The following ANKFY1 variants were observed in gnomAD, a reference collection of about 807,000 sequenced individuals.
The protein encoded by ANKFY1 is ankyrin repeat and FYVE domain-containing protein 1.
A neutral mutation model predicts 128.3 loss-of-function variants in ANKFY1; 47 were observed. The ratio of observed to expected loss-of-function variants is 0.37; its 90% CI spans 0.29 to 0.47. The LOEUF (loss-of-function observed/expected upper bound fraction) is 0.47. ANKFY1 is among the 20% of genes least tolerant of loss of function. The pLI is 1.00. For synonymous variants in ANKFY1, 553 were observed against 601.6 expected (o/e 0.92, Z 1.18); for missense variants, 1,222 against 1,510.6 (o/e 0.81, Z 3.17).
At chr17:4,254,396 A>G (rs1242550928) in intron 1 of ANKFY1, among the ~76,000 whole-genome samples, 1 of 151,856 alleles carries the variant, frequency 6.6e-6, no homozygotes, top group African/African-American at 2.4e-5. Flanking sequence ...ACAGAGAGAA[A>G]TTTGAAGATG....
At chr17:4,190,192 G>A (rs2059692447) in intron 10 of ANKFY1, among the ~76,000 whole-genome samples, 2 of 152,176 alleles carry the variant, frequency 1.3e-5, no homozygotes, top group Admixed American at 1.3e-4. Flanking sequence ...AGTCATCCCA[G>A]CACTTTTGGA....
At chr17:4,203,618 C>A (rs1269371044) in intron 7 of ANKFY1, among the ~76,000 whole-genome samples, 1 of 151,856 alleles carries the variant, frequency 6.6e-6, no homozygotes, top group South Asian at 2.1e-4. Flanking sequence ...GAGTTCAAGA[C>A]CAGCCTGACC....
rs1032562042 is a variant in ANKFY1, at chr17:4,167,770, G to C, written c.*9C>G. On this transcript the variant is annotated 3_prime_UTR_variant, in exon 25 of 25. Coordinates refer to ENST00000341657, the MANE Select transcript of ANKFY1 (RefSeq NM_001330063.2). The surrounding 1 kb of genome is among the most constrained non-coding windows in gnomAD (Gnocchi z 4.1). Reference sequence around the variant, plus strand: ...CCAAGGACGTGGCCTGGACCCTCCGGGGGGCTCACTAAGAAACCCCACCCA... The same window carrying C: ...CCAAGGACGTGGCCTGGACCCTCCGCGGGGCTCACTAAGAAACCCCACCCA... 5 of 1,611,728 alleles carry C rather than the reference G, an allele frequency of 3.1e-6. No individual in the cohort carries two copies. In the Admixed American group the frequency reaches 8.4e-5, roughly 27 times the overall value.
intron 13 of ANKFY1, 105 bp from the exon 14 acceptor site, chr17:4,183,656 C>T: frequency 6.8e-7 from 1 of 1,480,016 alleles, no homozygotes; most frequent in Non-Finnish European, 9.2e-7. Flanking sequence ...AGCAGTTTTC[C>T]ACTGGATCTA....
chr17:4,218,661 T>TC (rs2060259258), intron 3 of ANKFY1, among the ~76,000 whole-genome samples: 1 of 152,074 alleles, frequency 6.6e-6, no homozygotes, highest in Admixed American at 6.6e-5. Context: ...CACTGCCTGT[T>TC]CCCCAAAAAC....
At chr17:4,262,464 GTT>G (rs1392879058) in intron 1 of ANKFY1, among the ~76,000 whole-genome samples, 3 of 152,158 alleles carry the variant, frequency 2.0e-5, no homozygotes, top group Non-Finnish European at 2.9e-5. Flanking sequence ...GTTTCGCCAT[GTT>G]GCCCAGGCTG....
intron 10 of ANKFY1, among the ~76,000 whole-genome samples, chr17:4,192,761 A>G (rs2059741661): frequency 6.6e-6 from 1 of 152,250 alleles, no homozygotes; most frequent in African/African-American, 2.4e-5. Context: ...AAGCGAGTGG[A>G]CGAATTGGCT....
chr17:4,202,696 C>CAAAAAAA (rs60561665), intron 7 of ANKFY1, among the ~76,000 whole-genome samples: 29 of 74,732 alleles, frequency 3.9e-4, no homozygotes, highest in East Asian at 1.0e-3. Flanking sequence ...AACTCCGTCT[C>CAAAAAAA]AAAAAAAAAA....
At chr17:4,190,028 G>C (rs555830420) in intron 10 of ANKFY1, among the ~76,000 whole-genome samples, 1 of 152,216 alleles carries the variant, frequency 6.6e-6, no homozygotes, top group Non-Finnish European at 1.5e-5. Flanking sequence ...GTTAGAGCAA[G>C]ATTTCTCAAC....
intron 19 of ANKFY1, among the ~76,000 whole-genome samples, chr17:4,176,331 T>C (rs2059411134): frequency 6.6e-6 from 1 of 152,244 alleles, no homozygotes; most frequent in South Asian, 2.1e-4. Context: ...CTGCGGCATG[T>C]GTCTGGGGCT....
At chr17:4,255,478 G>A (rs1968068484) in intron 1 of ANKFY1, among the ~76,000 whole-genome samples, 1 of 152,096 alleles carries the variant, frequency 6.6e-6, no homozygotes, top group African/African-American at 2.4e-5. Context: ...TTGAACTCCT[G>A]ACCTGAGGTG....
At chr17:4,173,491 A>G in intron 20 of ANKFY1, 47 bp from the exon 21 acceptor site, 1 of 1,563,104 alleles carries the variant, frequency 6.4e-7, no homozygotes, top group Non-Finnish European at 8.8e-7. Context: ...GCACATGCAG[A>G]AAAACCTCCA....
chr17:4,263,549 G>A (rs1444704748), intron 1 of ANKFY1: 2 of 1,498,180 alleles, frequency 1.3e-6, no homozygotes, highest in African/African-American at 1.4e-5. Flanking sequence ...TCCGGATGCA[G>A]AACGTGCCAG....
At chr17:4,263,370 C>T (rs952264264) in intron 1 of ANKFY1, among the ~76,000 whole-genome samples, 8 of 152,218 alleles carry the variant, frequency 5.3e-5, no homozygotes, top group Non-Finnish European at 2.9e-5. Context: ...CTCCCGTCTT[C>T]ATCTGTACGC....
intron 19 of ANKFY1, among the ~76,000 whole-genome samples, chr17:4,175,829 C>A (rs897147533): frequency 6.6e-6 from 1 of 152,086 alleles, no homozygotes; most frequent in South Asian, 2.1e-4. Context: ...TCAGTATGAA[C>A]AGGGTCAAAC....
At chr17:4,223,284 T>A in intron 3 of ANKFY1, 1 of 974,466 alleles carries the variant, frequency 1.0e-6, no homozygotes, top group Non-Finnish European at 1.7e-6. Flanking sequence ...AATCTTCACT[T>A]GTTTTTACGG....
At chr17:4,260,968 C>G (rs1968385539) in intron 1 of ANKFY1, among the ~76,000 whole-genome samples, 1 of 152,164 alleles carries the variant, frequency 6.6e-6, no homozygotes, top group Non-Finnish European at 1.5e-5. Flanking sequence ...ATTTAAATAA[C>G]TGTCTCCAAA....
Position 4,178,626 on chromosome 17 carries a change from C to T in ANKFY1, c.2598+231G>A. On this transcript the variant is annotated intron_variant, in intron 18 of 24. Transcript: ENST00000341657. The surrounding 1 kb of genome is among the most constrained non-coding windows in gnomAD (Gnocchi z 4.1). ...AGAATTCCTACGATGGAGCCCACTG[C>T]CTCCGCTTCCATCGAAGCCGGGCAC... 3.5e-6 allele frequency: 2 copies of T among 571,914 alleles called. No homozygotes were observed. The highest frequency in any genetic ancestry group is 6.3e-6 in the Non-Finnish European group (2 of 319,004). 35.4% of individuals were successfully genotyped at this position (571,914 alleles called of 1,614,324 possible).
chr17:4,248,163 C>T (rs1357942364), intron 1 of ANKFY1, among the ~76,000 whole-genome samples: 1 of 152,212 alleles, frequency 6.6e-6, no homozygotes, highest in Non-Finnish European at 1.5e-5. Flanking sequence ...GTGTCCCCGA[C>T]CTCCAGGCCG....
Sources: gnomAD v4.1 joint callset for allele counts (sites outside exome capture counted in the v4.1 genomes callset) on GRCh38, gnomAD v4.1.1 for gene constraint, Gnocchi (gnomAD v3.1) non-coding constraint, MANE v1.5 for transcripts, NCBI Gene and HGNC (gene_info 2026-07-23, HGNC 2026-07-21) for gene names.